LPP: variants seen among roughly 807,000 people sequenced by gnomAD.
LPP encodes the protein lipoma-preferred partner.
A neutral mutation model predicts 60.4 loss-of-function variants in LPP; 38 were observed. That is an observed-to-expected ratio of 0.63 (90% CI 0.49 to 0.83). The LOEUF (loss-of-function observed/expected upper bound fraction) is 0.83. Among genes scored for constraint, LPP ranks in the 40% least tolerant of loss-of-function variants. LPP has a pLI of 0.00. For missense variants in LPP, 902 were observed against 783.6 expected (o/e 1.15, Z -1.80); for synonymous variants, 328 against 290.8 (o/e 1.13, Z -1.30).
At chr3:188,710,333 C>G (rs1866381955) in intron 8 of LPP, 1 of 152,146 alleles carries the variant, frequency 6.6e-6, no homozygotes, top group African/African-American at 2.4e-5. Flanking sequence ...TTCTCTGTCC[C>G]TCGCTGGCCA....
In LPP at chr3:188,643,110, G is replaced by A. The variant is rs536570052; in HGVS notation, c.1113+33266G>A. Among the ~76,000 whole-genome samples the A allele has an allele frequency of 1.4e-3, 214 of 152,242 alleles. 1 individual carries two copies. The highest frequency in any genetic ancestry group is 4.7e-3 in the African/African-American group (195 of 41,564). The stretch of plus-strand genomic sequence containing the variant: ...GAAACTTTTGATTCTTACTACATAG[G>A]TTCCTTTTAGAATTTTGAATGTTTA... On this transcript the variant is annotated intron_variant, in intron 7 of 11. Coordinates refer to ENST00000617246, the MANE Select transcript of LPP (RefSeq NM_001375462.1).
chr3:188,433,405 G>A (rs1236635807), intron 4 of LPP, among the ~76,000 whole-genome samples: 4 of 152,064 alleles, frequency 2.6e-5, no homozygotes, highest in South Asian at 2.1e-4. Flanking sequence ...TCTGCATGCC[G>A]TCTTTGCTGA....
rs998748856 is a variant in LPP at position 188,610,033 on chromosome 3, C to G, written c.1113+189C>G. Among the ~76,000 whole-genome samples, 1 of 152,118 alleles carries G rather than the reference C, an allele frequency of 6.6e-6. No homozygotes were observed. Among genetic ancestry groups the G allele is most frequent in the Admixed American group, 6.5e-5 (1 of 15,268 alleles). ...ACTTAGTATGTTACTAATATGGCCA[C>G]TGTTTAGTATCAAATGGAATTGCTT... On this transcript the variant is annotated intron_variant, in intron 7 of 11. Transcript: ENST00000617246. This position sits in a 1 kb window ranked among gnomAD's most constrained non-coding sequence, Gnocchi z 4.4.
intron 4 of LPP, among the ~76,000 whole-genome samples, chr3:188,444,565 T>C (rs1794770941): frequency 6.6e-6 from 1 of 152,144 alleles, no homozygotes; most frequent in Non-Finnish European, 1.5e-5. Context: ...ATTTAGGACA[T>C]AGGCATGGGC....
Position 188,718,301 on chromosome 3 carries a change from TA to T in LPP, c.1240+9910del, listed in dbSNP as rs559133269. Among the ~76,000 whole-genome samples, 495 of 152,270 alleles carry T rather than the reference TA, an allele frequency of 3.3e-3. 2 individuals carry two copies. The highest frequency in any genetic ancestry group is 0.012 in the African/African-American group (484 of 41,554). On this transcript the variant is annotated intron_variant, in intron 8 of 11. Transcript: ENST00000617246. ...CTATGGTCAAAATTTTCTTTCTGAG[TA>T]ATGGACAGTCTCCGATGGCATGAAG... is the stretch of plus-strand genomic sequence containing the variant.
intron 8 of LPP, among the ~76,000 whole-genome samples, chr3:188,757,889 G>GTTTTTTTTTTTTGT (rs1730828164): frequency 1.3e-5 from 1 of 78,738 alleles, no homozygotes. Context: ...TGTTTTTTTG[G>GTTTTTTTTTTTTGT]TTTTTTTTTT....
chr3:188,593,994 G>C (rs1181086738), intron 6 of LPP, among the ~76,000 whole-genome samples: 1 of 152,112 alleles, frequency 6.6e-6, no homozygotes, highest in Non-Finnish European at 1.5e-5. Flanking sequence ...GGTAAGTAGA[G>C]CTCTATGATG....
intron 2 of LPP, among the ~76,000 whole-genome samples, chr3:188,288,617 C>T (rs1744824142): frequency 6.6e-6 from 1 of 151,570 alleles, no homozygotes; most frequent in Non-Finnish European, 1.5e-5. Context: ...TGTGTATCTA[C>T]ACCTGTCTAT....
intron 9 of LPP, among the ~76,000 whole-genome samples, chr3:188,854,510 G>C (rs1020454234): frequency 6.6e-6 from 1 of 152,172 alleles, no homozygotes; most frequent in African/African-American, 2.4e-5. Flanking sequence ...TAAGTCATGT[G>C]CTGTCTTTTG....
At position 188,609,325 on chromosome 3, in the gene LPP, A is replaced by T. The variant is rs147282715; in HGVS notation, c.594A>T (p.Thr198=). The change falls in exon 7 of 12, where the codon ACA becomes ACT. Residue 198 remains threonine (T), a synonymous_variant. Coordinates refer to ENST00000617246, the MANE Select transcript of LPP (RefSeq NM_001375462.1). This position sits in a 1 kb window ranked among gnomAD's most constrained non-coding sequence, Gnocchi z 6.9. ...CCATCCCTGTGGCTCCAATCGGAACACTCAAACCCCAGCCTCAGCCAGTCC... is the reference window on the plus strand; with the variant it reads ...CCATCCCTGTGGCTCCAATCGGAACTCTCAAACCCCAGCCTCAGCCAGTCC... ...AGPIPVAPIG[T]LKPQPQPVPA... is the part of the protein sequence containing the mutation. The T allele has an allele frequency of 5.0e-6, 8 of 1,613,850 alleles. No individual in the cohort carries two copies. In the African/African-American group the frequency reaches 9.4e-5, roughly 19 times the overall value.
chr3:188,760,322 G>A (rs1367288207), intron 9 of LPP, 40 bp downstream of exon 9: 5 of 1,606,798 alleles, frequency 3.1e-6, no homozygotes, highest in Admixed American at 1.7e-5. Context: ...TTGCAAAGAT[G>A]TCTTCTGTGG....
intron 2 of LPP, among the ~76,000 whole-genome samples, chr3:188,316,255 A>T (rs1755032910): frequency 6.6e-6 from 1 of 152,112 alleles, no homozygotes; most frequent in Admixed American, 6.5e-5. Flanking sequence ...TCCAGCCTGG[A>T]CGAAAAGAGT....
At chr3:188,413,439 C>T (rs1020496132) in intron 4 of LPP, among the ~76,000 whole-genome samples, 2 of 152,062 alleles carry the variant, frequency 1.3e-5, no homozygotes, top group African/African-American at 4.8e-5. Context: ...TATAAGTATG[C>T]GTGTTATGCC....
chr3:188,309,549 G>A (rs904420485), intron 2 of LPP, among the ~76,000 whole-genome samples: 8 of 152,232 alleles, frequency 5.3e-5, no homozygotes, highest in East Asian at 1.9e-4. Context: ...GGGGAGAGGC[G>A]AGATAAGCAG....
chr3:188,592,446 A>G (rs1838945636), intron 6 of LPP, among the ~76,000 whole-genome samples: 1 of 151,884 alleles, frequency 6.6e-6, no homozygotes, highest in Non-Finnish European at 1.5e-5. Flanking sequence ...AAGTTACCAA[A>G]ACAGTTGTTA....
intron 2 of LPP, among the ~76,000 whole-genome samples, chr3:188,312,440 A>T (rs1218765868): frequency 6.6e-6 from 1 of 152,134 alleles, no homozygotes; most frequent in African/African-American, 2.4e-5. Flanking sequence ...TTCTTTTTTA[A>T]CTTGCAGATT....
chr3:188,212,277 T>G (rs1223891128), intron 1 of LPP, among the ~76,000 whole-genome samples: 1 of 152,212 alleles, frequency 6.6e-6, no homozygotes, highest in Non-Finnish European at 1.5e-5. Context: ...ATTTATTTCA[T>G]AAATTTAGTT....
At chr3:188,244,832 T>A (rs1337908680) in intron 2 of LPP, among the ~76,000 whole-genome samples, 1 of 152,196 alleles carries the variant, frequency 6.6e-6, no homozygotes, top group Non-Finnish European at 1.5e-5. Context: ...AACTCAGCCA[T>A]GTCCTGCTCA....
chr3:188,760,947 C>T (rs1364033257), intron 9 of LPP, among the ~76,000 whole-genome samples: 1 of 152,146 alleles, frequency 6.6e-6, no homozygotes, highest in Non-Finnish European at 1.5e-5. Flanking sequence ...AAAAAATTCT[C>T]AGTCATGTTA....
Sources: allele counts gnomAD v4.1 joint callset (sites outside exome capture counted in the v4.1 genomes callset), GRCh38; gene constraint gnomAD v4.1.1; non-coding constraint Gnocchi (gnomAD v3.1); transcripts MANE v1.5; gene names NCBI Gene and HGNC (gene_info 2026-07-23, HGNC 2026-07-21).